Variants in DCC observed in about 807,000 individuals in gnomAD.
DCC encodes the protein netrin receptor DCC.
A neutral mutation model predicts 172.5 loss-of-function variants in DCC; 58 were observed. That is an observed-to-expected ratio of 0.34 (90% confidence interval 0.27 to 0.42). DCC has a LOEUF of 0.42. DCC is among the 10% of genes least tolerant of loss of function. The probability of loss-of-function intolerance (pLI) is 1.00; values close to 1 mark genes in which losing one functional copy is unlikely to be tolerated. For missense variants in DCC, 1,740 were observed against 1,791.0 expected (o/e 0.97, Z 0.51); for synonymous variants, 709 against 644.5 (o/e 1.10, Z -1.52).
chr18:53,129,669 AT>A, intron 7 of DCC, among the ~76,000 whole-genome samples: 1 of 151,924 alleles, frequency 6.6e-6, no homozygotes, highest in East Asian at 1.9e-4. Context: ...CTTCATTCTT[AT>A]TTTTTTGCTG....
chr18:52,838,352 A>G (rs922453039), intron 2 of DCC, among the ~76,000 whole-genome samples: 35 of 152,108 alleles, frequency 2.3e-4, no homozygotes, highest in African/African-American at 8.2e-4. Flanking sequence ...AGATATACTG[A>G]ACATATTTGA....
intron 5 of DCC, among the ~76,000 whole-genome samples, chr18:52,943,019 A>G (rs2040487795): frequency 6.6e-6 from 1 of 152,238 alleles, no homozygotes. Context: ...GCCACAGAGT[A>G]TGCATTCAAA....
intron 12 of DCC, among the ~76,000 whole-genome samples, chr18:53,231,495 C>G (rs759210737): frequency 6.6e-6 from 1 of 152,114 alleles, no homozygotes; most frequent in Admixed American, 6.6e-5. Flanking sequence ...TCACCTAATG[C>G]AAGCAATCAG....
intron 2 of DCC, among the ~76,000 whole-genome samples, chr18:52,868,589 G>T (rs920624688): frequency 6.6e-6 from 1 of 152,178 alleles, no homozygotes; most frequent in Non-Finnish European, 1.5e-5. Flanking sequence ...AATTTGGGAA[G>T]AAATTTAGTT....
intron 1 of DCC, among the ~76,000 whole-genome samples, chr18:52,406,043 A>T (rs1468214489): frequency 3.4e-5 from 5 of 145,348 alleles, no homozygotes; most frequent in Non-Finnish European, 6.1e-5. Flanking sequence ...CTGATCTTTG[A>T]CAAACCTGAG....
At chr18:53,500,636 C>A (rs1006990832) in intron 27 of DCC, among the ~76,000 whole-genome samples, 8 of 151,666 alleles carry the variant, frequency 5.3e-5, no homozygotes, top group African/African-American at 1.9e-4. Flanking sequence ...TACACATCAC[C>A]TCTGATGTTC....
chr18:53,086,010 C>CTTATTATTATTA (rs781244055), intron 7 of DCC, among the ~76,000 whole-genome samples: 1 of 19,072 alleles, frequency 5.2e-5, no homozygotes. Context: ...TCTTCTCCTT[C>CTTATTATTATTA]TCCTTCTCCC....
At chr18:53,384,474 C>T (rs1349450224) in intron 15 of DCC, among the ~76,000 whole-genome samples, 1 of 151,748 alleles carries the variant, frequency 6.6e-6, no homozygotes, top group East Asian at 1.9e-4. Flanking sequence ...TTAGATCTTC[C>T]TTCTCTAACT....
At chr18:53,496,433 C>T (rs541745646) in intron 26 of DCC, among the ~76,000 whole-genome samples, 17 of 144,866 alleles carry the variant, frequency 1.2e-4, no homozygotes, top group South Asian at 4.5e-4. Flanking sequence ...AGGATGTCCA[C>T]GAAGAGACTC....
intron 13 of DCC, among the ~76,000 whole-genome samples, chr18:53,320,273 C>T (rs1338522945): frequency 1.3e-5 from 2 of 151,968 alleles, no homozygotes; most frequent in African/African-American, 4.8e-5. Context: ...GGGGTTCCAC[C>T]GTGTTAGCCA....
chr18:53,363,135 C>T (rs1426290865), intron 15 of DCC, among the ~76,000 whole-genome samples: 2 of 152,152 alleles, frequency 1.3e-5, no homozygotes, highest in African/African-American at 2.4e-5. Context: ...AGGACTCAAA[C>T]AGCCTGACTC....
chr18:52,578,925 G>A (rs2033480936), intron 1 of DCC, among the ~76,000 whole-genome samples: 1 of 152,118 alleles, frequency 6.6e-6, no homozygotes. Flanking sequence ...AGGTTGCAGT[G>A]AGCCGAGATC....
At chr18:52,873,758 C>T (rs1221673395) in intron 2 of DCC, among the ~76,000 whole-genome samples, 1 of 151,906 alleles carries the variant, frequency 6.6e-6, no homozygotes, top group Non-Finnish European at 1.5e-5. Context: ...TTAGTACTTG[C>T]CAGATGGATG....
chr18:52,453,044 G>T (rs1308355858), intron 1 of DCC, among the ~76,000 whole-genome samples: 7 of 152,202 alleles, frequency 4.6e-5, no homozygotes, highest in Non-Finnish European at 8.8e-5. Context: ...TGCATGCATT[G>T]GTGTGTCTGT....
intron 2 of DCC, among the ~76,000 whole-genome samples, chr18:52,780,855 T>G (rs954280663): frequency 3.2e-4 from 49 of 152,156 alleles, no homozygotes; most frequent in African/African-American, 1.2e-3. Context: ...GCATTTCTTG[T>G]ACCCCATGAG....
chr18:52,987,638 C>T (rs752770638), intron 5 of DCC, among the ~76,000 whole-genome samples: 1 of 152,092 alleles, frequency 6.6e-6, no homozygotes, highest in African/African-American at 2.4e-5. Flanking sequence ...GGCAGGGGGA[C>T]CCAAATGGTT....
At chr18:53,145,535 G>T (rs1199444531) in intron 7 of DCC, among the ~76,000 whole-genome samples, 1 of 139,188 alleles carries the variant, frequency 7.2e-6, no homozygotes, top group East Asian at 2.0e-4. Flanking sequence ...ACCAGACATC[G>T]ACTCTGATGG....
rs574362220 is a variant in DCC at position 52,807,303 on chromosome 18, C to T, written c.412+54929C>T. Among the ~76,000 whole-genome samples, 4 of 152,212 alleles carry T rather than the reference C, an allele frequency of 2.6e-5. No homozygotes were observed. The South Asian group carries it at 6.2e-4, about 24-fold the overall frequency. ...TGCCTCTCTAGCACGGTGAGATGCC[C>T]CATCTGAGCATACATCTGTAGCTAG... On this transcript the variant is annotated intron_variant, in intron 2 of 28. Coordinates refer to ENST00000442544, the MANE Select transcript of DCC (RefSeq NM_005215.4).
At chr18:53,422,271 A>C (rs1289234853) in intron 21 of DCC, among the ~76,000 whole-genome samples, 3 of 152,140 alleles carry the variant, frequency 2.0e-5, no homozygotes, top group Non-Finnish European at 2.9e-5. Context: ...CCTCTATTCC[A>C]CAATAAAACT....
Sources: allele counts gnomAD v4.1 joint callset (sites outside exome capture counted in the v4.1 genomes callset), GRCh38; gene constraint gnomAD v4.1.1; transcripts MANE v1.5; gene names NCBI Gene and HGNC (gene_info 2026-07-23, HGNC 2026-07-21).